The following MYO18A variants were observed in gnomAD, a reference collection of about 807,000 sequenced individuals.
The protein encoded by MYO18A is unconventional myosin-XVIIIa.
Under a neutral mutation model 235.8 loss-of-function variants are expected in MYO18A, and 78 were observed. The observed-to-expected ratio is 0.33, with a 90% CI of 0.28 to 0.40. The LOEUF is 0.40. Ranked by LOEUF, MYO18A falls within the 10% of genes least tolerant of loss-of-function variation. MYO18A has a pLI of 1.00. For synonymous variants in MYO18A, 977 were observed against 1,077.8 expected (o/e 0.91, Z 1.83); for missense variants, 2,215 against 2,699.3 (o/e 0.82, Z 3.98).
rs528964993 is a variant in MYO18A, at chr17:29,169,152, G to A, written c.-81-2131C>T. Among the ~76,000 whole-genome samples, 354 of 152,018 alleles carry A rather than the reference G, an allele frequency of 2.3e-3. 1 individual carries two copies. The highest frequency in any genetic ancestry group is 8.3e-3 in the African/African-American group (343 of 41,548). On this transcript the variant is annotated intron_variant, in intron 1 of 41. Transcript: ENST00000527372. ...GCAACCTCTGCCTCCCAGGGTTCAC[G>A]CCATTCTCCTGCCTCAGCCTCCCAA... is the stretch of plus-strand genomic sequence containing the variant.
At chr17:29,143,838 A>T (rs1173292366) in intron 2 of MYO18A, among the ~76,000 whole-genome samples, 1 of 152,100 alleles carries the variant, frequency 6.6e-6, no homozygotes, top group African/African-American at 2.4e-5. Flanking sequence ...CTCCACCATG[A>T]TGACTCCTGA....
rs749417298 is a variant in MYO18A at position 29,121,972 on chromosome 17, C to T, written c.1088-15G>A. 10 of 1,613,158 alleles carry T rather than the reference C, an allele frequency of 6.2e-6. No homozygotes were observed. Among genetic ancestry groups the T allele is most frequent in the Non-Finnish European group, 8.5e-6 (10 of 1,179,382 alleles). The stretch of plus-strand genomic sequence containing the variant: ...GAGTTGACTGGCTGCAGGGGAGGGA[C>T]AGACAGCTGGGATGGGCCTGGGAAG... On this transcript the variant is annotated splice_polypyrimidine_tract_variant and intron_variant, in intron 3 of 41. Transcript: ENST00000527372. This position sits in a 1 kb window ranked among gnomAD's most constrained non-coding sequence, Gnocchi z 4.2.
At chr17:29,099,825 G>C in intron 21 of MYO18A, 63 bp from the exon 22 acceptor site, 1 of 1,575,136 alleles carries the variant, frequency 6.3e-7, no homozygotes, top group Non-Finnish European at 8.6e-7. Flanking sequence ...GAAAGGCAGA[G>C]AAGGTGAGGA....
At chr17:29,091,454 C>T (rs1568048572) in intron 34 of MYO18A, 1 of 353,152 alleles carries the variant, frequency 2.8e-6, no homozygotes, top group Non-Finnish European at 5.6e-6. Flanking sequence ...ATCTATTAGC[C>T]TGTAATTCCA....
chr17:29,074,186 G>C lies in MYO18A; in HGVS notation c.*584C>G. 1 of 1,602,854 alleles carries C rather than the reference G, an allele frequency of 6.2e-7. No individual in the cohort carries two copies. The highest frequency in any genetic ancestry group is 1.1e-5 in the South Asian group (1 of 89,692). On this transcript the variant is annotated 3_prime_UTR_variant, in exon 42 of 42. Coordinates refer to ENST00000527372, the MANE Select transcript of MYO18A (RefSeq NM_078471.4). The surrounding 1 kb of genome is among the most constrained non-coding windows in gnomAD (Gnocchi z 4.4). ...AAAGGACTGCTCTCTGAAGGGTGAA[G>C]ATGGAGATGACATTCCCGAGTCGTT...
In MYO18A at chr17:29,168,502, AG is replaced by A. The variant is rs1567646875; in HGVS notation, c.-81-1482del. Among the ~76,000 whole-genome samples, 11 of 151,788 alleles carry A rather than the reference AG, an allele frequency of 7.2e-5. No homozygotes were observed. The South Asian group carries it at 2.3e-3, about 31-fold the overall frequency. ...CTCTCTCTGAAAGCCTACCCCTCTGAGTTTCACACAGAGGATCTACAAGCTT... is the reference window on the plus strand; with the variant it reads ...CTCTCTCTGAAAGCCTACCCCTCTGATTTCACACAGAGGATCTACAAGCTT... On this transcript the variant is annotated intron_variant, in intron 1 of 41. Coordinates refer to ENST00000527372, the MANE Select transcript of MYO18A (RefSeq NM_078471.4).
intron 2 of MYO18A, among the ~76,000 whole-genome samples, chr17:29,150,448 G>A (rs552422137): frequency 2.6e-5 from 4 of 152,240 alleles, no homozygotes; most frequent in Admixed American, 1.3e-4. Context: ...CTGGCCCTGG[G>A]GCATTAGGAT....
At chr17:29,122,324 G>T (rs1350428233) in intron 2 of MYO18A, 71 bp from the exon 3 acceptor site, 2 of 1,404,758 alleles carry the variant, frequency 1.4e-6, no homozygotes, top group South Asian at 1.2e-5. Flanking sequence ...GTAGAGGGGA[G>T]ACAAGTGAGG....
At chr17:29,172,139 G>GCTC (rs2068419590) in intron 1 of MYO18A, among the ~76,000 whole-genome samples, 1 of 152,118 alleles carries the variant, frequency 6.6e-6, no homozygotes, top group Non-Finnish European at 1.5e-5. Flanking sequence ...CAGTGTCAGA[G>GCTC]CTCAGGCTTT....
rs781323736 is a variant in MYO18A at position 29,125,807 on chromosome 17, C to T, written c.1000-3554G>A. 8.5e-5 allele frequency: 54 copies of T among 634,396 alleles called. No homozygotes were observed. Among genetic ancestry groups the T allele is most frequent in the African/African-American group, 4.7e-4 (24 of 50,892 alleles). 39.3% of individuals were successfully genotyped at this position (634,396 alleles called of 1,614,324 possible). Reference sequence around the variant, plus strand: ...CATGGAGCCATCTTCATGGTCAGCGCGCCTACAGACACACACAGGGTCCTG... The same window carrying T: ...CATGGAGCCATCTTCATGGTCAGCGTGCCTACAGACACACACAGGGTCCTG... On this transcript the variant is annotated intron_variant, in intron 2 of 41. Coordinates refer to ENST00000527372, the MANE Select transcript of MYO18A (RefSeq NM_078471.4). The surrounding 1 kb of genome is among the most constrained non-coding windows in gnomAD (Gnocchi z 5.1).
In MYO18A at chr17:29,121,907, C is replaced by A; in HGVS notation, c.1138G>T (p.Val380Leu). The A allele has an allele frequency of 1.2e-6, 2 of 1,613,962 alleles. No individual in the cohort carries two copies. Among genetic ancestry groups the A allele is most frequent in the African/African-American group, 1.3e-5 (1 of 75,050 alleles). ...ELNLPEGKVR[V>L]KLDHDGAILD... ...ATGGCCCCATCGTGGTCCAGCTTCA[C>A]ACGCACCTTCCCCTCAGGCAAGTTG... is the stretch of plus-strand genomic sequence containing the variant. Residue 380 changes from valine (V) to leucine (L), a missense_variant, in exon 4 of 42, where the codon GTG becomes TTG. Transcript: ENST00000527372. The surrounding 1 kb of genome is among the most constrained non-coding windows in gnomAD (Gnocchi z 4.2).
chr17:29,084,828 C>A (rs2152732672), intron 40 of MYO18A, among the ~76,000 whole-genome samples: 1 of 152,280 alleles, frequency 6.6e-6, no homozygotes, highest in East Asian at 1.9e-4. Context: ...AAAAAACAAC[C>A]CTGTCGAACT....
At chr17:29,116,563 T>C in intron 10 of MYO18A, 108 bp from the exon 11 acceptor site, 1 of 1,292,382 alleles carries the variant, frequency 7.7e-7, no homozygotes. Flanking sequence ...GGGGGTGTTG[T>C]GAGGATGAGT....
chr17:29,110,633 TG>T lies in MYO18A; in HGVS notation c.2901-12del. 6.3e-7 allele frequency: 1 copy of T among 1,599,562 alleles called. No individual in the cohort carries two copies. Among genetic ancestry groups the T allele is most frequent in the Non-Finnish European group, 8.5e-7 (1 of 1,170,428 alleles). ...TTGCTGATGATTTTTCTGCCAGAGGTGGGAGGATAAGGGAGGAAAAGCAGTC... is the reference window on the plus strand; with the variant it reads ...TTGCTGATGATTTTTCTGCCAGAGGTGGAGGATAAGGGAGGAAAAGCAGTC... On this transcript the variant is annotated splice_polypyrimidine_tract_variant and intron_variant, in intron 17 of 41. Coordinates refer to ENST00000527372, the MANE Select transcript of MYO18A (RefSeq NM_078471.4).
chr17:29,084,159 C>T (rs909792300), intron 40 of MYO18A, among the ~76,000 whole-genome samples: 8 of 152,194 alleles, frequency 5.3e-5, no homozygotes, highest in South Asian at 2.1e-4. Flanking sequence ...CGTCCCCATG[C>T]GTCTATGTGA....
At chr17:29,136,245 AAAAAAATATAT>A (rs1370242518) in intron 2 of MYO18A, among the ~76,000 whole-genome samples, 29 of 78,820 alleles carry the variant, frequency 3.7e-4, no homozygotes, top group African/African-American at 1.1e-3. Flanking sequence ...GAAAAAAAAA[AAAAAAATATAT>A]ATATATATAT....
At position 29,111,360 on chromosome 17, in the gene MYO18A, A is replaced by G; in HGVS notation, c.2900+64T>C. The G allele has an allele frequency of 1.3e-6, 2 of 1,548,070 alleles. No homozygotes were observed. Among genetic ancestry groups the G allele is most frequent in the Non-Finnish European group, 8.8e-7 (1 of 1,138,530 alleles). On this transcript the variant is annotated intron_variant, in intron 17 of 41. Transcript: ENST00000527372. The surrounding 1 kb of genome is among the most constrained non-coding windows in gnomAD (Gnocchi z 5.1). The stretch of plus-strand genomic sequence containing the variant: ...GGGCCTCTGAGACAACCCCAGGGGG[A>G]GGGAGCCCCAAAATCAAAACAGTCC...
intron 2 of MYO18A, among the ~76,000 whole-genome samples, chr17:29,148,783 GAGA>G (rs984572199): frequency 3.3e-5 from 5 of 152,320 alleles, no homozygotes; most frequent in Admixed American, 6.5e-5. Context: ...TCTCAGAGAG[GAGA>G]AGGAGGGCTG....
chr17:29,094,547 A>G, intron 30 of MYO18A, 103 bp downstream of exon 30: 1 of 1,191,748 alleles, frequency 8.4e-7, no homozygotes, highest in Non-Finnish European at 1.2e-6. Context: ...TGAATACGCG[A>G]ATGAATGGAG....
Sources: allele counts gnomAD v4.1 joint callset (sites outside exome capture counted in the v4.1 genomes callset), GRCh38; gene constraint gnomAD v4.1.1; non-coding constraint Gnocchi (gnomAD v3.1); transcripts MANE v1.5; gene names NCBI Gene and HGNC (gene_info 2026-07-23, HGNC 2026-07-21).